SYN2: variants seen among roughly 807,000 people sequenced by gnomAD.
SYN2 encodes synapsin II, also known as synapsin-2.
Under a neutral mutation model 50.9 loss-of-function variants are expected in SYN2, and 19 were observed. The observed-to-expected ratio is 0.37, with a 90% CI of 0.26 to 0.55. SYN2 has a LOEUF of 0.55. SYN2 is among the 20% of genes least tolerant of loss of function. SYN2 has a pLI of 0.81. For missense variants in SYN2, 587 were observed against 576.4 expected (o/e 1.02, Z -0.19); for synonymous variants, 255 against 224.9 (o/e 1.13, Z -1.20).
At chr3:12,054,217 C>G (rs755278298) in intron 1 of SYN2, among the ~76,000 whole-genome samples, 1 of 152,174 alleles carries the variant, frequency 6.6e-6, no homozygotes, top group Non-Finnish European at 1.5e-5. Context: ...GAAAGGGGCT[C>G]TATCTGTTGA....
At chr3:12,131,153 G>T (rs971808674) in intron 1 of SYN2, among the ~76,000 whole-genome samples, 3 of 152,206 alleles carry the variant, frequency 2.0e-5, no homozygotes, top group African/African-American at 7.2e-5. Context: ...AAGTGCCCTG[G>T]TGCAGGAGTG....
intron 4 of SYN2, among the ~76,000 whole-genome samples, chr3:12,150,937 G>A (rs767707708): frequency 6.6e-6 from 1 of 152,102 alleles, no homozygotes; most frequent in Non-Finnish European, 1.5e-5. Context: ...GGCAAGTTTT[G>A]TATCCTCTCT....
At chr3:12,017,100 G>C (rs1694042028) in intron 1 of SYN2, among the ~76,000 whole-genome samples, 1 of 152,124 alleles carries the variant, frequency 6.6e-6, no homozygotes, top group Admixed American at 6.5e-5. Context: ...AGGTGGGAGA[G>C]AGGCATTTCA....
intron 1 of SYN2, among the ~76,000 whole-genome samples, chr3:12,023,999 C>A (rs1332139681): frequency 1.3e-5 from 2 of 151,960 alleles, no homozygotes; most frequent in African/African-American, 4.8e-5. Context: ...TTTAAAAAAT[C>A]AAAGTATAAA....
At position 12,162,020 on chromosome 3, in the gene SYN2, G is replaced by C; in HGVS notation, c.846G>C (p.Val282=). The C allele has an allele frequency of 1.2e-6, 2 of 1,613,994 alleles. No homozygotes were observed. Among genetic ancestry groups the C allele is most frequent in the East Asian group, 4.5e-5 (2 of 44,870 alleles). ...HAHSGMGKVK[V]ENHYDFQDIA... is the part of the protein sequence containing the mutation. ...CCCTGCTCTAACATTAGGTCAAAGT[G>C]GAAAACCACTACGACTTCCAGGACA... The change falls in exon 7 of 13, where the codon GTG becomes GTC. Residue 282 remains valine, a synonymous_variant. Transcript: ENST00000621198.
intron 1 of SYN2, chr3:12,071,298 G>A: frequency 1.8e-6 from 1 of 564,676 alleles, no homozygotes; most frequent in South Asian, 1.5e-5. Flanking sequence ...TCTTCCAGCA[G>A]ATGTGGATTA....
At chr3:12,126,137 G>C (rs1247160957) in intron 1 of SYN2, among the ~76,000 whole-genome samples, 1 of 152,190 alleles carries the variant, frequency 6.6e-6, no homozygotes, top group Non-Finnish European at 1.5e-5. Context: ...GGAAACTGGG[G>C]AAACAATATT....
At chr3:12,183,680 G>T in intron 11 of SYN2, 1 of 1,327,452 alleles carries the variant, frequency 7.5e-7, no homozygotes. Context: ...AGGGCTGTTT[G>T]TCAACAGTAT....
chr3:12,125,695 T>C (rs1461278509), intron 1 of SYN2, among the ~76,000 whole-genome samples: 1 of 152,164 alleles, frequency 6.6e-6, no homozygotes, highest in African/African-American at 2.4e-5. Context: ...AGAAGTGGTC[T>C]CAAGGGGCCC....
At chr3:12,040,273 G>T (rs915127023) in intron 1 of SYN2, among the ~76,000 whole-genome samples, 1 of 152,130 alleles carries the variant, frequency 6.6e-6, no homozygotes, top group East Asian at 1.9e-4. Context: ...TTTCAGAGTG[G>T]TAATAGGAGG....
chr3:12,108,594 C>T (rs750515660), intron 1 of SYN2, among the ~76,000 whole-genome samples: 8 of 152,122 alleles, frequency 5.3e-5, no homozygotes, highest in South Asian at 2.1e-4. Context: ...TTTCCACCTC[C>T]GGTTCCATTC....
intron 1 of SYN2, among the ~76,000 whole-genome samples, chr3:12,030,158 C>CT: frequency 1.0e-5 from 1 of 97,784 alleles, no homozygotes; most frequent in East Asian, 2.7e-4. Flanking sequence ...GTCTTTGGCT[C>CT]TGTTTATATG....
chr3:12,046,751 A>G (rs1475443713), intron 1 of SYN2, among the ~76,000 whole-genome samples: 1 of 152,196 alleles, frequency 6.6e-6, no homozygotes, highest in African/African-American at 2.4e-5. Context: ...GAAATATTTA[A>G]TAGATCATCA....
intron 1 of SYN2, among the ~76,000 whole-genome samples, chr3:12,136,039 G>A (rs1263196943): frequency 1.3e-5 from 2 of 152,186 alleles, no homozygotes; most frequent in African/African-American, 2.4e-5. Context: ...AGGCGTAGGT[G>A]GGGGAGCAGT....
At chr3:12,049,365 A>G (rs1694807040) in intron 1 of SYN2, among the ~76,000 whole-genome samples, 1 of 151,932 alleles carries the variant, frequency 6.6e-6, no homozygotes. Context: ...TAAAAATACA[A>G]AAATTAGCCT....
At chr3:12,070,906 G>A (rs947101376) in intron 1 of SYN2, 9 of 561,672 alleles carry the variant, frequency 1.6e-5, no homozygotes, top group African/African-American at 7.6e-5. Context: ...CCTGGACTTC[G>A]AACAGGAGAT....
chr3:12,168,438 A>G lies in SYN2; in HGVS notation c.1118A>G (p.Lys373Arg). 1 of 1,613,998 alleles carries G rather than the reference A, an allele frequency of 6.2e-7. No individual in the cohort carries two copies. Among genetic ancestry groups the G allele is most frequent in the Non-Finnish European group, 8.5e-7 (1 of 1,179,914 alleles). ...MFGGLDICAV[K>R]AVHGKDGKDY... ...GGCGGCCTGGACATCTGTGCTGTCA[A>G]AGCTGTACATGGCAAAGATGGGAAA... Residue 373 changes from lysine to arginine, a missense_variant, in exon 9 of 13, where the codon AAA becomes AGA. Transcript: ENST00000621198.
chr3:12,178,536 T>C (rs968294742), intron 10 of SYN2, among the ~76,000 whole-genome samples: 1 of 152,192 alleles, frequency 6.6e-6, no homozygotes, highest in African/African-American at 2.4e-5. Context: ...TATTTACCAT[T>C]TCTGCAAGGA....
intron 1 of SYN2, among the ~76,000 whole-genome samples, chr3:12,127,766 C>T (rs886572340): frequency 6.6e-6 from 1 of 152,082 alleles, no homozygotes; most frequent in African/African-American, 2.4e-5. Context: ...TGCACTTGGA[C>T]CAGGAAAAGA....
Sources: allele counts gnomAD v4.1 joint callset (sites outside exome capture counted in the v4.1 genomes callset), GRCh38; gene constraint gnomAD v4.1.1; transcripts MANE v1.5; gene names NCBI Gene and HGNC (gene_info 2026-07-23, HGNC 2026-07-21).